TENM2: variants seen among roughly 807,000 people sequenced by gnomAD.
The protein encoded by TENM2 is teneurin-2.
A neutral mutation model predicts 245.2 loss-of-function variants in TENM2; 52 were observed. The ratio of observed to expected loss-of-function variants is 0.21; its 90% CI spans 0.17 to 0.27. TENM2 has a LOEUF of 0.27. Ranked by LOEUF, TENM2 falls within the 10% of genes least tolerant of loss-of-function variation. TENM2 has a pLI of 1.00. For missense variants in TENM2, 3,046 were observed against 3,666.8 expected, an observed-to-expected ratio of 0.83 and a Z score of 4.37; for synonymous variants, 1,363 against 1,438.9, an observed-to-expected ratio of 0.95 and a Z score of 1.19.
At chr5:167,734,782 T>G (rs961402897) in intron 2 of TENM2, among the ~76,000 whole-genome samples, 1 of 152,218 alleles carries the variant, frequency 6.6e-6, no homozygotes, top group African/African-American at 2.4e-5. Context: ...AGGGCAGAGA[T>G]GATCCTGCAC....
At chr5:167,368,675 G>C (rs1160506113) in intron 1 of TENM2, among the ~76,000 whole-genome samples, 8 of 152,108 alleles carry the variant, frequency 5.3e-5, no homozygotes, top group Admixed American at 4.6e-4. Context: ...TGACAGCCAG[G>C]TGGATGTAAA....
chr5:167,438,215 C>T (rs892054942), intron 2 of TENM2, among the ~76,000 whole-genome samples: 23 of 152,048 alleles, frequency 1.5e-4, no homozygotes, highest in South Asian at 4.1e-4. Flanking sequence ...TACTTTTTTC[C>T]GCAAGGATCC....
the TENM2 span, among the ~76,000 whole-genome samples, chr5:166,994,265 T>C: frequency 3.3e-5 from 5 of 152,222 alleles, no homozygotes; most frequent in South Asian, 2.1e-4. Flanking sequence ...ATTGCCAGAT[T>C]CCGAGTTTCC....
chr5:166,998,312 C>T, the TENM2 span, among the ~76,000 whole-genome samples: 33 of 152,066 alleles, frequency 2.2e-4, no homozygotes, highest in Non-Finnish European at 3.4e-4. Flanking sequence ...GGAGATTTTC[C>T]ATTTTATTTT....
intron 12 of TENM2, among the ~76,000 whole-genome samples, chr5:168,151,424 T>A (rs1426569431): frequency 6.6e-6 from 1 of 152,238 alleles, no homozygotes; most frequent in African/African-American, 2.4e-5. Flanking sequence ...CAGACCTTTC[T>A]GCCATCATTG....
intron 1 of TENM2, among the ~76,000 whole-genome samples, chr5:167,373,287 G>A (rs1039792005): frequency 2.0e-5 from 3 of 152,204 alleles, no homozygotes; most frequent in Admixed American, 6.5e-5. Flanking sequence ...GAGCTACACA[G>A]TGGTTTGGTG....
At chr5:167,929,118 AAAGAAAGAAAGAAAAGAAAGAAGGG>A (rs1778071296) in intron 3 of TENM2, among the ~76,000 whole-genome samples, 2 of 113,796 alleles carry the variant, frequency 1.8e-5, no homozygotes, top group Non-Finnish European at 3.8e-5. Context: ...AGAAAGAAAG[AAAGAAAGAAAGAAAAGAAAGAAGGG>A]AGGGAGGGAG....
At chr5:168,225,726 A>C (rs1286218911) in intron 23 of TENM2, among the ~76,000 whole-genome samples, 1 of 149,694 alleles carries the variant, frequency 6.7e-6, no homozygotes, top group African/African-American at 2.5e-5. Flanking sequence ...GTGCCACTGC[A>C]CTCCAGCCTG....
intron 2 of TENM2, among the ~76,000 whole-genome samples, chr5:167,406,342 A>G (rs151284717): frequency 1.3e-5 from 2 of 152,300 alleles, no homozygotes; most frequent in African/African-American, 4.8e-5. Context: ...TATTCTCCAC[A>G]TGCATATTCA....
rs139873055 is a variant in TENM2, at chr5:168,048,006, G to A, written c.1309+457G>A. 1.7e-4 allele frequency among the ~76,000 whole-genome samples: 26 copies of A among 152,330 alleles called. 1 individual carries two copies. The East Asian group carries it at 4.4e-3, about 26-fold the overall frequency. On this transcript the variant is annotated intron_variant, in intron 6 of 28. Coordinates refer to ENST00000518659, the Ensembl canonical transcript of TENM2. Reference sequence around the variant, plus strand: ...AGGAGACATGCAGCCTCCCTGGGGAGGAAGCTGCCTGGCTTGGCATGAAAG... The same window carrying A: ...AGGAGACATGCAGCCTCCCTGGGGAAGAAGCTGCCTGGCTTGGCATGAAAG...
intron 9 of TENM2, among the ~76,000 whole-genome samples, chr5:168,109,348 A>C (rs938569919): frequency 6.6e-6 from 1 of 152,214 alleles, no homozygotes; most frequent in Non-Finnish European, 1.5e-5. Flanking sequence ...TTGAAGATCA[A>C]CTACATGCTG....
chr5:168,226,688 T>C (rs1465683681), intron 24 of TENM2, among the ~76,000 whole-genome samples: 2 of 152,158 alleles, frequency 1.3e-5, no homozygotes, highest in African/African-American at 4.8e-5. Context: ...ATTCTCTCTT[T>C]TAAGCATTTG....
At chr5:167,739,927 T>TC (rs1260701380) in intron 2 of TENM2, among the ~76,000 whole-genome samples, 1 of 152,196 alleles carries the variant, frequency 6.6e-6, no homozygotes, top group Non-Finnish European at 1.5e-5. Flanking sequence ...GACCCTCGCT[T>TC]CCCCTTGTTA....
intron 1 of TENM2, among the ~76,000 whole-genome samples, chr5:167,322,935 G>A (rs1299112129): frequency 1.3e-5 from 2 of 152,168 alleles, no homozygotes; most frequent in African/African-American, 2.4e-5. Context: ...ATTTCCTTTA[G>A]CAATTATAAT....
At chr5:167,853,531 C>T (rs2052467) in intron 2 of TENM2, among the ~76,000 whole-genome samples, 117,343 of 151,750 alleles carry the variant, frequency 0.77, 46,232 homozygotes, top group Non-Finnish European at 0.84. Flanking sequence ...AACATACTTT[C>T]AAGTGGATTG....
intron 12 of TENM2, among the ~76,000 whole-genome samples, chr5:168,158,850 T>TACAC (rs764713880): frequency 0.015 from 923 of 61,980 alleles, 26 homozygotes; most frequent in African/African-American, 0.02. Flanking sequence ...TATATATATA[T>TACAC]ACACACACAC....
At chr5:167,294,580 G>C (rs962170818) in intron 1 of TENM2, among the ~76,000 whole-genome samples, 1 of 152,094 alleles carries the variant, frequency 6.6e-6, no homozygotes, top group Non-Finnish European at 1.5e-5. Flanking sequence ...CACAGGGCGA[G>C]TTTTATTCCC....
the TENM2 span, among the ~76,000 whole-genome samples, chr5:167,084,325 A>T: frequency 1.1e-5 from 1 of 94,734 alleles, no homozygotes; most frequent in Admixed American, 1.2e-4. Flanking sequence ...AAGCCATTTT[A>T]GTTATATATA....
At chr5:167,330,937 C>A (rs1198720142) in intron 1 of TENM2, among the ~76,000 whole-genome samples, 1 of 151,890 alleles carries the variant, frequency 6.6e-6, no homozygotes, top group African/African-American at 2.4e-5. Flanking sequence ...GTATGTATTA[C>A]CTATTGAAAA....
Sources: gnomAD v4.1 joint callset for allele counts (sites outside exome capture counted in the v4.1 genomes callset) on GRCh38, gnomAD v4.1.1 for gene constraint, MANE v1.5 for transcripts, NCBI Gene and HGNC (gene_info 2026-07-23, HGNC 2026-07-21) for gene names.